AKT3: variants seen among roughly 807,000 people sequenced by gnomAD.
The protein encoded by AKT3 is RAC-gamma serine/threonine-protein kinase.
Under a neutral mutation model 65.3 loss-of-function variants are expected in AKT3, and 15 were observed. The ratio of observed to expected loss-of-function variants is 0.23; its 90% CI spans 0.15 to 0.35. The LOEUF (loss-of-function observed/expected upper bound fraction) is 0.35, where lower values mean the gene tolerates loss of function less well. Among genes scored for constraint, AKT3 ranks in the 10% least tolerant of loss-of-function variants. AKT3 has a pLI of 1.00. For synonymous variants in AKT3, 206 were observed against 183.8 expected (o/e 1.12, Z -0.98); for missense variants, 243 against 576.5 (o/e 0.42, Z 5.92).
chr1:243,739,741 T>C (rs1463282379), intron 2 of AKT3: 1 of 152,242 alleles, frequency 6.6e-6, no homozygotes, highest in African/African-American at 2.4e-5. Context: ...CCCTCCTCCT[T>C]TTCCAGCCTC....
At chr1:243,834,732 A>G (rs576149477) in intron 2 of AKT3, among the ~76,000 whole-genome samples, 15 of 152,216 alleles carry the variant, frequency 9.9e-5, no homozygotes, top group African/African-American at 3.4e-4. Flanking sequence ...CTGGAAACTA[A>G]AAGTTTAAAA....
At chr1:243,550,422 A>G (rs1468584944) in intron 11 of AKT3, among the ~76,000 whole-genome samples, 1 of 152,142 alleles carries the variant, frequency 6.6e-6, no homozygotes, top group Non-Finnish European at 1.5e-5. Context: ...CATTCATTCA[A>G]TAGTTCCTAA....
At chr1:243,666,193 G>A (rs1558698808) in intron 3 of AKT3, among the ~76,000 whole-genome samples, 2 of 151,972 alleles carry the variant, frequency 1.3e-5, no homozygotes, top group Non-Finnish European at 2.9e-5. Flanking sequence ...TAGTAGAGAT[G>A]GGGTTTCACC....
At position 243,499,730 on chromosome 1, in the gene AKT3, AACTT is replaced by A; in HGVS notation, c.*5515_*5518del. 3 of 1,590,004 alleles carry A rather than the reference AACTT, an allele frequency of 1.9e-6. No individual in the cohort carries two copies. The highest frequency in any genetic ancestry group is 2.2e-5 in the South Asian group (2 of 90,558). On this transcript the variant is annotated 3_prime_UTR_variant, in exon 14 of 14. Coordinates refer to ENST00000673466, the MANE Select transcript of AKT3 (RefSeq NM_005465.7). ...AACATTGAAGAACATGAGCTATTGA[AACTT>A]ACTTTTTATTATTTTTTCCAGTTAC...
chr1:243,731,327 G>A (rs1038596297), intron 2 of AKT3, among the ~76,000 whole-genome samples: 2 of 152,060 alleles, frequency 1.3e-5, no homozygotes, highest in Non-Finnish European at 2.9e-5. Flanking sequence ...AGGCAATAGA[G>A]AACAAAGAGT....
chr1:243,540,003 C>T (rs1337974412), intron 12 of AKT3, among the ~76,000 whole-genome samples: 1 of 152,088 alleles, frequency 6.6e-6, no homozygotes, highest in African/African-American at 2.4e-5. Context: ...ACTAGTAAAT[C>T]CCACCAAATA....
chr1:243,749,592 C>A (rs1030984959), intron 2 of AKT3, among the ~76,000 whole-genome samples: 1 of 152,158 alleles, frequency 6.6e-6, no homozygotes, highest in Non-Finnish European at 1.5e-5. Context: ...TCTTTACTGT[C>A]ATCTAAGATT....
At chr1:243,623,839 A>G (rs1678949101) in intron 6 of AKT3, among the ~76,000 whole-genome samples, 1 of 152,126 alleles carries the variant, frequency 6.6e-6, no homozygotes, top group Non-Finnish European at 1.5e-5. Context: ...TCTCTCTCAT[A>G]TATGTATATG....
chr1:243,694,369 A>G (rs1553434854), intron 3 of AKT3, among the ~76,000 whole-genome samples: 1 of 152,142 alleles, frequency 6.6e-6, no homozygotes, highest in Non-Finnish European at 1.5e-5. Flanking sequence ...AGTTGACAAT[A>G]GGGTTTAAAA....
intron 2 of AKT3, among the ~76,000 whole-genome samples, chr1:243,826,615 T>C (rs1321469582): frequency 6.6e-6 from 1 of 152,216 alleles, no homozygotes; most frequent in African/African-American, 2.4e-5. Context: ...TCTTGAAACC[T>C]TGAAGCAACA....
At chr1:243,657,737 A>C (rs1414622926) in intron 4 of AKT3, among the ~76,000 whole-genome samples, 1 of 152,222 alleles carries the variant, frequency 6.6e-6, no homozygotes, top group Non-Finnish European at 1.5e-5. Flanking sequence ...CCTGACTTCA[A>C]AATGCATTCT....
At chr1:243,651,038 C>T (rs953563213) in intron 4 of AKT3, among the ~76,000 whole-genome samples, 14 of 152,008 alleles carry the variant, frequency 9.2e-5, no homozygotes, top group Admixed American at 5.3e-4. Context: ...TCCATGAGCA[C>T]GGGTTGTTTT....
intron 8 of AKT3, among the ~76,000 whole-genome samples, chr1:243,582,830 A>G (rs1240776998): frequency 6.6e-6 from 1 of 152,006 alleles, no homozygotes; most frequent in Non-Finnish European, 1.5e-5. Context: ...GGATAAAAAA[A>G]CAAGACTCAT....
chr1:243,525,763 A>AAAAG (rs1156394636), intron 12 of AKT3, among the ~76,000 whole-genome samples: 18 of 28,622 alleles, frequency 6.3e-4, no homozygotes, highest in African/African-American at 2.4e-3. Context: ...GACAACTTCC[A>AAAAG]AAAGTAAGAA....
chr1:243,519,894 G>C (rs1426795126), intron 12 of AKT3, among the ~76,000 whole-genome samples: 2 of 152,202 alleles, frequency 1.3e-5, no homozygotes, highest in African/African-American at 4.8e-5. Context: ...GAACTAACTA[G>C]CTGGTATCAT....
chr1:243,680,263 G>A (rs1052784546), intron 3 of AKT3, among the ~76,000 whole-genome samples: 2 of 152,130 alleles, frequency 1.3e-5, no homozygotes, highest in African/African-American at 4.8e-5. Flanking sequence ...GAAGACTATT[G>A]TGCTGACAAT....
chr1:243,832,957 C>A (rs1694633165), intron 2 of AKT3, among the ~76,000 whole-genome samples: 1 of 152,108 alleles, frequency 6.6e-6, no homozygotes, highest in South Asian at 2.1e-4. Context: ...CATTTTCATA[C>A]TGCTATAAAG....
chr1:243,743,551 G>A (rs1162564630), intron 2 of AKT3, among the ~76,000 whole-genome samples: 1 of 152,188 alleles, frequency 6.6e-6, no homozygotes, highest in East Asian at 1.9e-4. Flanking sequence ...TAGACTGAAT[G>A]ATTATGCCAA....
intron 2 of AKT3, among the ~76,000 whole-genome samples, chr1:243,758,597 T>C (rs535649428): frequency 1.2e-4 from 18 of 152,294 alleles, no homozygotes; most frequent in South Asian, 4.1e-4. Context: ...AATTTTTCCA[T>C]AGACCTTGGA....
Sources: gnomAD v4.1 joint callset for allele counts (sites outside exome capture counted in the v4.1 genomes callset) on GRCh38, gnomAD v4.1.1 for gene constraint, MANE v1.5 for transcripts, NCBI Gene and HGNC (gene_info 2026-07-23, HGNC 2026-07-21) for gene names.